RGPD3: variants seen among roughly 807,000 people sequenced by gnomAD.
RGPD3 encodes RANBP2 like and GRIP domain containing 3.
RGPD3 carries 62 observed loss-of-function variants against 154.5 expected under a neutral mutation model. The observed-to-expected ratio is 0.40, with a 90% CI of 0.33 to 0.50. The LOEUF (loss-of-function observed/expected upper bound fraction) is 0.50, where lower values mean the gene tolerates loss of function less well. Ranked by LOEUF, RGPD3 falls within the 20% of genes least tolerant of loss-of-function variation. The pLI, the probability that RGPD3 is intolerant of heterozygous loss-of-function variation, is 0.59. For synonymous variants in RGPD3, 308 were observed against 607.0 expected (o/e 0.51, Z 7.24); for missense variants, 919 against 1,716.8 (o/e 0.54, Z 8.21).
At chr2:106,418,515 GA>G (rs1355341381) in intron 20 of RGPD3, among the ~76,000 whole-genome samples, 1 of 152,030 alleles carries the variant, frequency 6.6e-6, no homozygotes, top group Non-Finnish European at 1.5e-5. Context: ...CCAGGGCACG[GA>G]ACTAATCAAT....
intron 19 of RGPD3, 87 bp from the exon 20 acceptor site, chr2:106,425,353 A>T (rs1677165614): frequency 6.3e-7 from 1 of 1,577,764 alleles, no homozygotes; most frequent in East Asian, 2.2e-5. Flanking sequence ...TAAACAATTT[A>T]TCAAATGATG....
In RGPD3 at chr2:106,423,871, T is replaced by C. The variant is rs750340104; in HGVS notation, c.4096A>G (p.Arg1366Gly). ...CATTGACCAACATCTTTATCATATC[T>C]GTAGAATTCTGCCCTGTGACTAAAA... ...VVFSHRAEFY[R>G]YDKDVGQWKE... Residue 1366 changes from arginine to glycine, a missense_variant, in exon 20 of 23, where the codon AGA becomes GGA. Physicochemically the swap from Arg to Gly is moderately radical, Grantham distance 125. Transcript: ENST00000409886. 1 of 1,612,024 alleles carries C rather than the reference T, an allele frequency of 6.2e-7. No homozygotes were observed. The highest frequency in any genetic ancestry group is 1.1e-5 in the South Asian group (1 of 90,974).
intron 1 of RGPD3, among the ~76,000 whole-genome samples, chr2:106,463,816 T>G (rs1309040562): frequency 6.6e-6 from 1 of 152,094 alleles, no homozygotes; most frequent in Non-Finnish European, 1.5e-5. Context: ...TTGCTGAGTT[T>G]AAGTAAGCAA....
intron 21 of RGPD3, among the ~76,000 whole-genome samples, chr2:106,413,895 C>G (rs901455897): frequency 4.6e-5 from 7 of 152,086 alleles, no homozygotes; most frequent in Non-Finnish European, 2.9e-5. Context: ...GGGTTGGTAC[C>G]AAGATGTTCC....
chr2:106,408,742 G>T (rs1676582417), intron 22 of RGPD3, among the ~76,000 whole-genome samples: 1 of 151,896 alleles, frequency 6.6e-6, no homozygotes, highest in East Asian at 1.9e-4. Flanking sequence ...GCGTGACCAG[G>T]ATTTCGACCA....
intron 8 of RGPD3, 74 bp from the exon 9 acceptor site, chr2:106,439,251 A>G (rs1677673580): frequency 8.8e-6 from 1 of 113,882 alleles, no homozygotes; most frequent in Admixed American, 2.3e-4. Context: ...TCTCATTTGT[A>G]TACCCAAAGG....
chr2:106,470,075 C>A (rs143047952), upstream of RGPD3, among the ~76,000 whole-genome samples: 414 of 152,272 alleles, frequency 2.7e-3, 4 homozygotes, highest in African/African-American at 9.3e-3. Flanking sequence ...TCATAGTACT[C>A]TCTTCTCAAT....
At chr2:106,408,927 C>T (rs1332973956) in intron 22 of RGPD3, among the ~76,000 whole-genome samples, 7 of 151,602 alleles carry the variant, frequency 4.6e-5, no homozygotes, top group Non-Finnish European at 8.8e-5. Context: ...CTCAAGCAAT[C>T]CTCCTGCCTG....
intron 17 of RGPD3, among the ~76,000 whole-genome samples, 160 bp from the exon 18 acceptor site, chr2:106,429,941 T>C (rs1293126988): frequency 1.3e-5 from 2 of 151,854 alleles, no homozygotes; most frequent in Non-Finnish European, 2.9e-5. Context: ...TGGAGTGCAA[T>C]GGCACAATCT....
At chr2:106,436,332 A>G in intron 11 of RGPD3, 82 bp downstream of exon 11, 1 of 1,610,694 alleles carries the variant, frequency 6.2e-7, no homozygotes, top group East Asian at 2.2e-5. Context: ...GTCACATGAC[A>G]AATTAAATCT....
chr2:106,427,730 CAACAT>C (rs1318225980), intron 18 of RGPD3, among the ~76,000 whole-genome samples: 1 of 62,196 alleles, frequency 1.6e-5, no homozygotes, highest in African/African-American at 6.4e-5. Flanking sequence ...AAACCAGAAA[CAACAT>C]AAATAAAGGA....
chr2:106,441,514 A>T (rs1479009904), intron 7 of RGPD3, 134 bp from the exon 8 acceptor site: 11 of 1,243,572 alleles, frequency 8.8e-6, no homozygotes, highest in East Asian at 5.1e-5. Flanking sequence ...GAATTGGAAA[A>T]GACTGCAAAA....
At position 106,438,643 on chromosome 2, in the gene RGPD3, CGTG is replaced by C. The variant is rs1677650196; in HGVS notation, c.1276+322_1276+324del. On this transcript the variant is annotated intron_variant, in intron 9 of 22. Coordinates refer to ENST00000409886, the MANE Select transcript of RGPD3 (RefSeq NM_001144013.2). ...CTAAAACTACAAAAAATTAGCCGGG[CGTG>C]GTGGTGGGCATTTGTAATCCCGCTA... Among the ~76,000 whole-genome samples the C allele has an allele frequency of 2.0e-5, 3 of 152,104 alleles. No homozygotes were observed. In the South Asian group the frequency reaches 6.2e-4, roughly 32 times the overall value.
At chr2:106,418,526 T>C (rs1676882836) in intron 20 of RGPD3, among the ~76,000 whole-genome samples, 1 of 152,090 alleles carries the variant, frequency 6.6e-6, no homozygotes, top group South Asian at 2.1e-4. Flanking sequence ...AACTAATCAA[T>C]TACATTGCCT....
At chr2:106,409,542 C>A (rs1676608244) in intron 22 of RGPD3, among the ~76,000 whole-genome samples, 1 of 152,138 alleles carries the variant, frequency 6.6e-6, no homozygotes, top group South Asian at 2.1e-4. Context: ...TATTGTGAGG[C>A]AATGTGTCTT....
rs758103431 is a variant in RGPD3, at chr2:106,415,838, T to G, written c.5064+12A>C. 2.7e-5 allele frequency: 44 copies of G among 1,611,688 alleles called. No individual in the cohort carries two copies. Among genetic ancestry groups the G allele is most frequent in the Non-Finnish European group, 3.6e-5 (43 of 1,179,828 alleles). ...TGGCAGTTTTTATGGTGGCCAGGTT[T>G]TCTGATCTCACCTTAATTTGCTCCA... On this transcript the variant is annotated intron_variant, in intron 21 of 22. Coordinates refer to ENST00000409886, the MANE Select transcript of RGPD3 (RefSeq NM_001144013.2).
intron 6 of RGPD3, among the ~76,000 whole-genome samples, chr2:106,450,646 C>G (rs1329430801): frequency 1.2e-5 from 1 of 86,114 alleles, no homozygotes; most frequent in African/African-American, 4.8e-5. Context: ...GTGAAGCTTG[C>G]AGTGAGCCGA....
chr2:106,466,354 C>G (rs1396434442), intron 1 of RGPD3, among the ~76,000 whole-genome samples: 5 of 150,330 alleles, frequency 3.3e-5, no homozygotes, highest in South Asian at 2.1e-4. Flanking sequence ...CCTGAGCCAT[C>G]GAGGCCGCCG....
At position 106,434,359 on chromosome 2, in the gene RGPD3, C is replaced by A. The variant is rs1380956644; in HGVS notation, c.2074G>T (p.Ala692Ser). 1.2e-6 allele frequency: 2 copies of A among 1,611,336 alleles called. No individual in the cohort carries two copies. Among genetic ancestry groups the A allele is most frequent in the South Asian group, 1.1e-5 (1 of 90,934 alleles). ...WNLALIFHRK[A>S]EDIANDALSP... ...AGGGCATCATTTGCAATGTCTTCTG[C>A]CTTCCTGTGAAAAATCTATACAAAT... Residue 692 changes from alanine (A) to serine (S), a missense_variant, in exon 15 of 23, where the codon GCA (alanine) becomes TCA (serine). By Grantham distance (99) the Ala-to-Ser change is moderately conservative. Coordinates refer to ENST00000409886, the MANE Select transcript of RGPD3 (RefSeq NM_001144013.2).
Sources: gnomAD v4.1 joint callset for allele counts (sites outside exome capture counted in the v4.1 genomes callset) on GRCh38, gnomAD v4.1.1 for gene constraint, MANE v1.5 for transcripts, NCBI Gene and HGNC (gene_info 2026-07-23, HGNC 2026-07-21) for gene names.